ITGA2: variants seen among roughly 807,000 people sequenced by gnomAD.
ITGA2 encodes the protein integrin subunit alpha 2.
A neutral mutation model predicts 146.3 loss-of-function variants in ITGA2; 101 were observed. The ratio of observed to expected loss-of-function variants is 0.69; its 90% CI spans 0.59 to 0.81. ITGA2 has a LOEUF of 0.81. ITGA2 is among the 40% of genes least tolerant of loss of function. The pLI is 0.00. For synonymous variants in ITGA2, 477 were observed against 487.1 expected (o/e 0.98, Z 0.27); for missense variants, 1,281 against 1,402.7 (o/e 0.91, Z 1.39).
At chr5:53,056,604 T>C (rs914759047) in intron 9 of ITGA2, among the ~76,000 whole-genome samples, 6 of 152,022 alleles carry the variant, frequency 3.9e-5, no homozygotes, top group African/African-American at 1.4e-4. Flanking sequence ...GTTATGTAAG[T>C]TCTAAAATTC....
In ITGA2 at chr5:53,051,029, C is replaced by T. The variant is rs3212505; in HGVS notation, c.631-382C>T. Among the ~76,000 whole-genome samples the T allele has an allele frequency of 6.1e-3, 932 of 152,198 alleles. 8 individuals are homozygous for T. Among genetic ancestry groups the T allele is most frequent in the African/African-American group, 0.021 (892 of 41,524 alleles). ...ATCTGTGATTGCTTATAGTTGTTCG[C>T]GAGCTTCTGTCCATTGGTAATTAGA... On this transcript the variant is annotated intron_variant, in intron 6 of 29. Transcript: ENST00000296585.
chr5:52,989,476 C>G lies in ITGA2; in HGVS notation c.8C>G (p.Pro3Arg). 1 of 1,614,180 alleles carries G rather than the reference C, an allele frequency of 6.2e-7. No individual in the cohort carries two copies. The highest frequency in any genetic ancestry group is 8.5e-7 in the Non-Finnish European group (1 of 1,180,010). Residue 3 changes from proline (P) to arginine (R), a missense_variant, in exon 1 of 30, where the codon CCA becomes CGA. By Grantham distance (103) the Pro-to-Arg change is moderately radical (BLOSUM62 -2). Coordinates refer to ENST00000296585, the MANE Select transcript of ITGA2 (RefSeq NM_002203.4). MG[P>R]ERTGAAPLPL... ...CCCCCGGTCAGACCCAGGATGGGGC[C>G]AGAACGGACAGGGGCCGCGCCGCTG...
At position 53,067,041 on chromosome 5, in the gene ITGA2, G is replaced by A. The variant is rs1048611394; in HGVS notation, c.1944-77G>A. The A allele has an allele frequency of 2.8e-6, 4 of 1,437,830 alleles. No homozygotes were observed. In the African/African-American group the frequency reaches 5.6e-5, roughly 20 times the overall value. 89.1% of individuals were successfully genotyped at this position (1,437,830 alleles called of 1,614,324 possible). ...GAAAAATTCAGTAATGCTGGTACTG[G>A]GTCCTCTATGATAAAGGATATAATA... On this transcript the variant is annotated intron_variant, in intron 15 of 29. Transcript: ENST00000296585.
chr5:53,032,091 T>C (rs1295109670), intron 2 of ITGA2, among the ~76,000 whole-genome samples: 1 of 152,118 alleles, frequency 6.6e-6, no homozygotes, highest in East Asian at 1.9e-4. Context: ...ATGTCTTTCA[T>C]TCTAACAAGG....
chr5:53,012,819 G>A (rs1478578502), intron 1 of ITGA2, among the ~76,000 whole-genome samples: 2 of 152,052 alleles, frequency 1.3e-5, no homozygotes, highest in Non-Finnish European at 2.9e-5. Context: ...ATATCTCACT[G>A]TGGCTTTGAC....
In ITGA2 at chr5:53,093,902, G is replaced by A. The variant is rs1740569345; in HGVS notation, c.*3303G>A. On this transcript the variant is annotated 3_prime_UTR_variant, in exon 30 of 30. Coordinates refer to ENST00000296585, the MANE Select transcript of ITGA2 (RefSeq NM_002203.4). ...ATGACTCATTTCAGCAGCAAAATAA[G>A]AACTCCTAACTGAACAGAAATTTTT... is the stretch of plus-strand genomic sequence containing the variant. The A allele has an allele frequency of 6.6e-6, 1 of 152,512 alleles. No homozygotes were observed. Among genetic ancestry groups the A allele is most frequent in the Non-Finnish European group, 1.5e-5 (1 of 67,992 alleles). The allele number at this position is 152,512 out of a possible 1,614,324, so 9.4% of individuals were successfully genotyped here.
intron 6 of ITGA2, among the ~76,000 whole-genome samples, 171 bp from the exon 7 acceptor site, chr5:53,051,240 G>A (rs1283417013): frequency 6.6e-6 from 1 of 152,178 alleles, no homozygotes; most frequent in Non-Finnish European, 1.5e-5. Flanking sequence ...CTCTAACAGA[G>A]AAGAAATCAT....
In ITGA2 at chr5:53,075,219, A is replaced by G. The variant is rs373507440; in HGVS notation, c.2742-2A>G. Reference sequence around the variant, plus strand: ...GTAATTTCCTAATGTTTCTTTCTATAGTGAAAGCCAAGAAGAAAACAAGGC... The same window carrying G: ...GTAATTTCCTAATGTTTCTTTCTATGGTGAAAGCCAAGAAGAAAACAAGGC... On this transcript the variant is annotated splice_acceptor_variant, in intron 22 of 29. Transcript: ENST00000296585. LOFTEE classifies it high-confidence loss of function. 2.5e-5 allele frequency: 41 copies of G among 1,612,080 alleles called. No individual in the cohort carries two copies. Among genetic ancestry groups the G allele is most frequent in the Non-Finnish European group, 3.4e-5 (40 of 1,178,814 alleles).
At chr5:53,055,087 C>A (rs1179733879) in intron 7 of ITGA2, among the ~76,000 whole-genome samples, 1 of 152,104 alleles carries the variant, frequency 6.6e-6, no homozygotes, top group East Asian at 1.9e-4. Flanking sequence ...GGTTTAGTGT[C>A]ACATTTGGTT....
chr5:53,026,693 A>G (rs1003166815), intron 1 of ITGA2, 55 bp from the exon 2 acceptor site: 33 of 1,497,214 alleles, frequency 2.2e-5, no homozygotes, highest in Middle Eastern at 3.9e-4. Context: ...GAATTATACG[A>G]CACACTTATA....
rs183039183 is a variant in ITGA2 at position 53,018,474 on chromosome 5, T to G, written c.65-8274T>G. Among the ~76,000 whole-genome samples the G allele has an allele frequency of 1.2e-3, 179 of 152,116 alleles. 2 individuals are homozygous for G. The South Asian group carries it at 0.027, about 23-fold the overall frequency. Reference sequence around the variant, plus strand: ...GGATTCCTGGTGCTGGGCAGCCTCGTGTAGGGCTCCTAGCTTTCTCCCCCT... The same window carrying G: ...GGATTCCTGGTGCTGGGCAGCCTCGGGTAGGGCTCCTAGCTTTCTCCCCCT... On this transcript the variant is annotated intron_variant, in intron 1 of 29. Transcript: ENST00000296585.
At chr5:53,010,347 G>A (rs1311484414) in intron 1 of ITGA2, among the ~76,000 whole-genome samples, 1 of 152,186 alleles carries the variant, frequency 6.6e-6, no homozygotes, top group Non-Finnish European at 1.5e-5. Flanking sequence ...AACAACAGAG[G>A]ATTATTCTCA....
intron 27 of ITGA2, among the ~76,000 whole-genome samples, chr5:53,083,932 A>G (rs780297718): frequency 6.6e-6 from 1 of 152,152 alleles, no homozygotes; most frequent in Non-Finnish European, 1.5e-5. Context: ...GTCTTCCTAT[A>G]TTACAGCCAG....
At chr5:53,027,581 G>C (rs1014955665) in intron 2 of ITGA2, among the ~76,000 whole-genome samples, 10 of 152,326 alleles carry the variant, frequency 6.6e-5, no homozygotes, top group African/African-American at 2.2e-4. Context: ...TTTGAAAGTT[G>C]TATTTGGGAA....
At chr5:52,997,286 A>G (rs1741314785) in intron 1 of ITGA2, among the ~76,000 whole-genome samples, 1 of 151,852 alleles carries the variant, frequency 6.6e-6, no homozygotes, top group African/African-American at 2.4e-5. Context: ...AGATTCCTGC[A>G]TTATTATCTT....
chr5:53,006,422 A>G (rs1468080757), intron 1 of ITGA2, among the ~76,000 whole-genome samples: 2 of 152,208 alleles, frequency 1.3e-5, no homozygotes, highest in Non-Finnish European at 2.9e-5. Context: ...ACATATGTGT[A>G]TATAGGTATG....
chr5:53,022,972 C>T (rs1453666885), intron 1 of ITGA2, among the ~76,000 whole-genome samples: 2 of 152,168 alleles, frequency 1.3e-5, no homozygotes, highest in African/African-American at 4.8e-5. Flanking sequence ...GTTAGCCCTG[C>T]ATGAGATAAA....
At chr5:53,063,484 T>G (rs906914815) in intron 13 of ITGA2, among the ~76,000 whole-genome samples, 1 of 151,832 alleles carries the variant, frequency 6.6e-6, no homozygotes, top group Non-Finnish European at 1.5e-5. Context: ...TACATTAACA[T>G]GGCAAAGCAT....
At chr5:53,076,232 C>G (rs150205730) in intron 23 of ITGA2, among the ~76,000 whole-genome samples, 1 of 151,916 alleles carries the variant, frequency 6.6e-6, no homozygotes, top group African/African-American at 2.4e-5. Flanking sequence ...GATCAATGAC[C>G]CCTGAATAGC....
Sources: gnomAD v4.1 joint callset for allele counts (sites outside exome capture counted in the v4.1 genomes callset) on GRCh38, gnomAD v4.1.1 for gene constraint, MANE v1.5 for transcripts, NCBI Gene and HGNC (gene_info 2026-07-23, HGNC 2026-07-21) for gene names.